Variants in ZBBX observed in about 807,000 individuals in gnomAD.
The protein encoded by ZBBX is zinc finger B-box domain containing, also known as zinc finger B-box domain-containing protein 1.
Under a neutral mutation model 108.5 loss-of-function variants are expected in ZBBX, and 101 were observed. The observed-to-expected ratio is 0.93, with a 90% CI of 0.79 to 1.10. ZBBX has a LOEUF of 1.10. ZBBX is among the 50% of genes least tolerant of loss of function. The pLI is 0.00. For missense variants in ZBBX, 1,009 were observed against 941.4 expected, an observed-to-expected ratio of 1.07 and a Z score of -0.94; for synonymous variants, 356 against 323.4, an observed-to-expected ratio of 1.10 and a Z score of -1.08.
chr3:167,302,807 G>A (rs754098941), intron 17 of ZBBX, among the ~76,000 whole-genome samples: 17 of 152,184 alleles, frequency 1.1e-4, no homozygotes, highest in Non-Finnish European at 2.5e-4. Flanking sequence ...ACATCATGAA[G>A]AGAGCCACGT....
At chr3:167,361,787 C>G (rs112179526) in intron 6 of ZBBX, among the ~76,000 whole-genome samples, 22 of 152,202 alleles carry the variant, frequency 1.4e-4, no homozygotes, top group African/African-American at 5.3e-4. Flanking sequence ...TTTTTCATAA[C>G]CAAATTATCC....
At position 167,240,768 on chromosome 3, in the gene ZBBX, G is replaced by T. The variant is rs573113265; in HGVS notation, c.*25C>A. The T allele has an allele frequency of 3.1e-6, 5 of 1,606,132 alleles. No individual in the cohort carries two copies. In the African/African-American group the frequency reaches 5.4e-5, roughly 17 times the overall value. ...GTTTGCTTTACTCTGGGTACAAAAT[G>T]GAAACAGTAATGAACAAATAATCTT... is the stretch of plus-strand genomic sequence containing the variant. On this transcript the variant is annotated 3_prime_UTR_variant, in exon 22 of 22. Transcript: ENST00000675490.
the ZBBX span, among the ~76,000 whole-genome samples, chr3:167,204,216 T>C: frequency 2.0e-3 from 294 of 147,188 alleles, 1 homozygote; most frequent in Middle Eastern, 7.0e-3. Flanking sequence ...TTTTTTTAAT[T>C]TTTTCATTTT....
chr3:167,330,506 A>G (rs1738247578), intron 10 of ZBBX, among the ~76,000 whole-genome samples: 1 of 152,064 alleles, frequency 6.6e-6, no homozygotes, highest in Admixed American at 6.6e-5. Context: ...CAATGTGACT[A>G]CATTTTGAGA....
In ZBBX at chr3:167,365,884, AC is replaced by A. The variant is rs765001359; in HGVS notation, c.273+1del. On this transcript the variant is annotated splice_donor_variant, in intron 6 of 21. Transcript: ENST00000675490. LOFTEE classifies it high-confidence loss of function. ...CATAAGAATCAAATAGTATCTTCTT[AC>A]CTTAACAACATTTCCTTTATTTTGT... is the stretch of plus-strand genomic sequence containing the variant. The A allele has an allele frequency of 6.2e-7, 1 of 1,600,564 alleles. No individual in the cohort carries two copies. The highest frequency in any genetic ancestry group is 1.1e-5 in the South Asian group (1 of 89,832).
At chr3:167,289,488 T>C (rs1471549556) in intron 18 of ZBBX, among the ~76,000 whole-genome samples, 4 of 152,296 alleles carry the variant, frequency 2.6e-5, no homozygotes, top group African/African-American at 9.6e-5. Flanking sequence ...CAGGGTGTGG[T>C]GTCACCTTAC....
chr3:167,188,526 G>A, the ZBBX span, among the ~76,000 whole-genome samples: 49 of 152,050 alleles, frequency 3.2e-4, no homozygotes, highest in East Asian at 3.5e-3. Context: ...ATCAGTTTGT[G>A]ATCAGCATAA....
chr3:167,371,077 G>A (rs1390956328), intron 4 of ZBBX, among the ~76,000 whole-genome samples: 1 of 152,150 alleles, frequency 6.6e-6, no homozygotes, highest in African/African-American at 2.4e-5. Flanking sequence ...CGGAAAAAGT[G>A]AGAAAGAGAA....
At chr3:167,354,693 C>A (rs1743231354) in intron 8 of ZBBX, among the ~76,000 whole-genome samples, 1 of 151,754 alleles carries the variant, frequency 6.6e-6, no homozygotes, top group Non-Finnish European at 1.5e-5. Context: ...ATATATTCTG[C>A]ATAATTTTTA....
the ZBBX span, among the ~76,000 whole-genome samples, chr3:167,181,113 C>T: frequency 6.6e-6 from 1 of 152,164 alleles, no homozygotes; most frequent in Non-Finnish European, 1.5e-5. Flanking sequence ...GGAGGCTTAA[C>T]AACTGCCGCC....
At chr3:167,387,550 A>C (rs988169012) in intron 1 of ZBBX, among the ~76,000 whole-genome samples, 2 of 152,012 alleles carry the variant, frequency 1.3e-5, no homozygotes, top group Admixed American at 6.6e-5. Flanking sequence ...AGCATATACA[A>C]ATTTCCCTGC....
At chr3:167,216,665 G>A in the ZBBX span, among the ~76,000 whole-genome samples, 48,491 of 151,894 alleles carry the variant, frequency 0.32, 8,173 homozygotes, top group East Asian at 0.65. Flanking sequence ...TGAATAGCCA[G>A]GGCAATCCTA....
downstream of ZBBX, among the ~76,000 whole-genome samples, chr3:167,235,837 G>A (rs893213214): frequency 2.0e-5 from 3 of 151,554 alleles, no homozygotes; most frequent in African/African-American, 7.3e-5. Context: ...AATCCTGTTT[G>A]CAACATCATA....
intron 18 of ZBBX, among the ~76,000 whole-genome samples, chr3:167,296,879 A>G (rs185777585): frequency 9.8e-4 from 149 of 152,164 alleles, no homozygotes; most frequent in African/African-American, 3.5e-3. Flanking sequence ...AACCCATCAT[A>G]AAATTCACAT....
chr3:167,225,125 G>T, the ZBBX span, among the ~76,000 whole-genome samples: 1 of 151,838 alleles, frequency 6.6e-6, no homozygotes, highest in Non-Finnish European at 1.5e-5. Flanking sequence ...TAGAGAAACT[G>T]TGGAATTTCA....
Position 167,388,143 on chromosome 3 carries a change from A to G in ZBBX, c.-445-7738T>C, listed in dbSNP as rs567607361. Reference sequence around the variant, plus strand: ...CCTATTTTAGGTGGAATAGTCACAGAAAACCTCTCTGAGCAACATTTGCAA... The same window carrying G: ...CCTATTTTAGGTGGAATAGTCACAGGAAACCTCTCTGAGCAACATTTGCAA... On this transcript the variant is annotated intron_variant, in intron 1 of 21. Coordinates refer to the ZBBX transcript ENST00000455345. Among the ~76,000 whole-genome samples, 4 of 152,146 alleles carry G rather than the reference A, an allele frequency of 2.6e-5. No homozygotes were observed. In the South Asian group the frequency reaches 8.3e-4, roughly 32 times the overall value.
intron 20 of ZBBX, among the ~76,000 whole-genome samples, chr3:167,272,834 T>C (rs146135262): frequency 2.0e-4 from 30 of 152,296 alleles, no homozygotes; most frequent in African/African-American, 7.0e-4. Flanking sequence ...AATGATGTCC[T>C]GTGGAAAACC....
At chr3:167,181,593 C>T in the ZBBX span, among the ~76,000 whole-genome samples, 3 of 152,116 alleles carry the variant, frequency 2.0e-5, no homozygotes, top group African/African-American at 4.8e-5. Context: ...TTTGATTCAC[C>T]CAATAAGCTG....
intron 20 of ZBBX, among the ~76,000 whole-genome samples, chr3:167,277,684 G>T (rs532280251): frequency 0.012 from 1,892 of 152,166 alleles, 41 homozygotes; most frequent in African/African-American, 0.043. Flanking sequence ...ACAATAGACA[G>T]ATCAACGAGA....
Sources: allele counts gnomAD v4.1 joint callset (sites outside exome capture counted in the v4.1 genomes callset), GRCh38; gene constraint gnomAD v4.1.1; transcripts MANE v1.5; gene names NCBI Gene and HGNC (gene_info 2026-07-23, HGNC 2026-07-21).